Variants in RPA3 observed in about 807,000 individuals in gnomAD.
RPA3 encodes replication protein A3.
A neutral mutation model predicts 13.7 loss-of-function variants in RPA3; 24 were observed. The observed-to-expected ratio is 1.75, with a 90% CI of 1.27 to 2.46. RPA3 has a LOEUF of 2.46. Among genes scored for constraint, RPA3 ranks in the 30% most tolerant of loss-of-function variants. The pLI, the probability that RPA3 is intolerant of heterozygous loss-of-function variation, is 0.00. For missense variants in RPA3, 183 were observed against 151.0 expected, an observed-to-expected ratio of 1.21 and a Z score of -1.11; for synonymous variants, 59 against 51.2, an observed-to-expected ratio of 1.15 and a Z score of -0.65.
At chr7:7,662,060 T>C (rs965682349) in intron 4 of RPA3, among the ~76,000 whole-genome samples, 1 of 152,150 alleles carries the variant, frequency 6.6e-6, no homozygotes, top group Non-Finnish European at 1.5e-5. Flanking sequence ...TGCTGAGCTG[T>C]GGAGGGCTGT....
At chr7:7,640,048 T>C (rs902984606) in intron 5 of RPA3, 24 of 469,128 alleles carry the variant, frequency 5.1e-5, no homozygotes, top group Middle Eastern at 5.5e-4. Flanking sequence ...GTGGTGTTTA[T>C]AATTTCCCTT....
chr7:7,669,589 AG>A, intron 4 of RPA3, among the ~76,000 whole-genome samples: 1 of 152,322 alleles, frequency 6.6e-6, no homozygotes, highest in South Asian at 2.1e-4. Context: ...TTAGGTACCT[AG>A]TGGCATGAGT....
chr7:7,704,583 GTC>G (rs1780547973), intron 2 of RPA3, among the ~76,000 whole-genome samples: 1 of 138,056 alleles, frequency 7.2e-6, no homozygotes, highest in Non-Finnish European at 1.5e-5. Context: ...GTGAAACCCT[GTC>G]TCTACTAAAA....
chr7:7,714,468 G>C (rs532626527), intron 2 of RPA3, among the ~76,000 whole-genome samples: 2 of 152,208 alleles, frequency 1.3e-5, no homozygotes, highest in African/African-American at 2.4e-5. Flanking sequence ...TTATAGCTAC[G>C]AAACTTTGTT....
chr7:7,661,695 G>A (rs1481848400), intron 4 of RPA3, among the ~76,000 whole-genome samples: 1 of 152,178 alleles, frequency 6.6e-6, no homozygotes, highest in Admixed American at 6.5e-5. Context: ...TCCCAGAGGG[G>A]CACCCACCAG....
chr7:7,709,670 A>G (rs1217267796), intron 2 of RPA3, among the ~76,000 whole-genome samples: 1 of 152,210 alleles, frequency 6.6e-6, no homozygotes, highest in Non-Finnish European at 1.5e-5. Flanking sequence ...TACAATTTAT[A>G]ATAACTGTTT....
rs566698956 is a variant in RPA3 at position 7,681,957 on chromosome 7, C to A, written c.-758+3873G>T. Among the ~76,000 whole-genome samples, 12 of 152,002 alleles carry A rather than the reference C, an allele frequency of 7.9e-5. No individual in the cohort carries two copies. In the South Asian group the frequency reaches 2.5e-3, roughly 32 times the overall value. Reference sequence around the variant, plus strand: ...TTATAGCAAAAAGAAGGAAAAATAACAACAAAAAGTAATAGGATATAAATG... The same window carrying A: ...TTATAGCAAAAAGAAGGAAAAATAAAAACAAAAAGTAATAGGATATAAATG... On this transcript the variant is annotated intron_variant, in intron 4 of 7. Coordinates refer to ENST00000223129, the MANE Select transcript of RPA3 (RefSeq NM_002947.5).
intron 7 of RPA3, among the ~76,000 whole-genome samples, chr7:7,637,363 A>C (rs1784881482): frequency 6.6e-6 from 1 of 152,162 alleles, no homozygotes; most frequent in Non-Finnish European, 1.5e-5. Flanking sequence ...TTACAACAAA[A>C]AAACTAATAC....
chr7:7,636,924 C>G lies in RPA3; in HGVS notation c.*76G>C. 9.6e-7 allele frequency: 1 copy of G among 1,039,434 alleles called. No individual in the cohort carries two copies. 64.4% of individuals were successfully genotyped at this position (1,039,434 alleles called of 1,614,324 possible). ...TAAATATGAGAAAGCACAGAAATCT[C>G]TCCCTCAAACAAGAAGGGCTTCCTT... is the stretch of plus-strand genomic sequence containing the variant. On this transcript the variant is annotated 3_prime_UTR_variant, in exon 8 of 8. Transcript: ENST00000223129.
At chr7:7,639,235 C>T in intron 5 of RPA3, 91 bp from the exon 6 acceptor site, 1 of 865,492 alleles carries the variant, frequency 1.2e-6, no homozygotes, top group Non-Finnish European at 1.8e-6. Context: ...GAGCACAAAT[C>T]AACTGTTTCT....
rs1784940287 is a variant in RPA3 at position 7,640,435 on chromosome 7, T to C, written c.-17A>G. ...GTCCACCATGATTATGGTCCAAGAC[T>C]GCGGCTGGCGGGAAACCCACGGACG... On this transcript the variant is annotated 5_prime_UTR_variant, in exon 5 of 8. Coordinates refer to ENST00000223129, the MANE Select transcript of RPA3 (RefSeq NM_002947.5). 1.9e-6 allele frequency: 3 copies of C among 1,612,018 alleles called. No homozygotes were observed. The highest frequency in any genetic ancestry group is 1.1e-5 in the South Asian group (1 of 91,016).
chr7:7,656,517 C>T (rs1785347337), intron 4 of RPA3, among the ~76,000 whole-genome samples: 1 of 152,114 alleles, frequency 6.6e-6, no homozygotes, highest in Non-Finnish European at 1.5e-5. Flanking sequence ...CTCCCTGTGT[C>T]CATGTGTTCT....
At chr7:7,645,857 C>A (rs1785081871) in intron 4 of RPA3, among the ~76,000 whole-genome samples, 1 of 149,426 alleles carries the variant, frequency 6.7e-6, no homozygotes, top group Non-Finnish European at 1.5e-5. Context: ...TGAGATTGGT[C>A]TGTAATTTTC....
intron 2 of RPA3, among the ~76,000 whole-genome samples, chr7:7,714,246 C>T (rs1409532229): frequency 6.6e-6 from 1 of 152,170 alleles, no homozygotes; most frequent in Non-Finnish European, 1.5e-5. Flanking sequence ...TGCATATTGA[C>T]CAGCATTTCC....
At chr7:7,696,808 C>T (rs536154940) in intron 2 of RPA3, among the ~76,000 whole-genome samples, 2 of 152,264 alleles carry the variant, frequency 1.3e-5, no homozygotes, top group East Asian at 3.9e-4. Flanking sequence ...ACCACACTAA[C>T]ATGTAGATGT....
chr7:7,661,572 A>C (rs1785475052), intron 4 of RPA3, among the ~76,000 whole-genome samples: 1 of 152,122 alleles, frequency 6.6e-6, no homozygotes, highest in African/African-American at 2.4e-5. Context: ...CGTGTGCTGC[A>C]GGTCTGCTGA....
chr7:7,639,021 T>A (rs770341235), intron 6 of RPA3, 49 bp downstream of exon 6: 2 of 1,367,336 alleles, frequency 1.5e-6, no homozygotes, highest in Admixed American at 2.5e-5. Context: ...CAAATCAAGA[T>A]GAAGAATTAA....
intron 7 of RPA3, among the ~76,000 whole-genome samples, chr7:7,637,513 A>G (rs1784883384): frequency 6.6e-6 from 1 of 152,170 alleles, no homozygotes; most frequent in East Asian, 1.9e-4. Context: ...ACAAAATTCT[A>G]TAGAAATTGA....
At chr7:7,650,710 C>T (rs1282781554) in intron 4 of RPA3, among the ~76,000 whole-genome samples, 1 of 152,258 alleles carries the variant, frequency 6.6e-6, no homozygotes, top group African/African-American at 2.4e-5. Context: ...CCTTGATTTA[C>T]TAATCCAGCC....
Sources: gnomAD v4.1 joint callset for allele counts (sites outside exome capture counted in the v4.1 genomes callset) on GRCh38, gnomAD v4.1.1 for gene constraint, MANE v1.5 for transcripts, NCBI Gene and HGNC (gene_info 2026-07-23, HGNC 2026-07-21) for gene names.